The following ARPP21 variants were observed in gnomAD, a reference collection of about 807,000 sequenced individuals.
The protein encoded by ARPP21 is cAMP regulated phosphoprotein 21, also known as cAMP-regulated phosphoprotein 21.
In ARPP21, 69 loss-of-function variants were observed where a neutral mutation model predicts 113.2. The ratio of observed to expected loss-of-function variants is 0.61; its 90% CI spans 0.50 to 0.74. ARPP21 has a LOEUF of 0.74. Ranked by LOEUF, ARPP21 falls within the 30% of genes least tolerant of loss-of-function variation. ARPP21 has a pLI of 0.00. For missense variants in ARPP21, 1,070 were observed against 1,037.4 expected (o/e 1.03, Z -0.43); for synonymous variants, 368 against 375.5 (o/e 0.98, Z 0.23).
intron 19 of ARPP21, among the ~76,000 whole-genome samples, chr3:35,788,409 G>A (rs911251971): frequency 2.0e-5 from 3 of 152,110 alleles, no homozygotes; most frequent in Non-Finnish European, 4.4e-5. Flanking sequence ...CATTTGAAAA[G>A]ACATTCTACC....
At chr3:35,710,542 AACACACACACACACACAC>A (rs3086903) in intron 11 of ARPP21, among the ~76,000 whole-genome samples, 11 of 132,962 alleles carry the variant, frequency 8.3e-5, no homozygotes, top group South Asian at 2.5e-4. Flanking sequence ...CTCTCTCTCA[AACACACACACACACACAC>A]ACACACACAC....
chr3:35,685,034 G>A (rs926858117), intron 5 of ARPP21: 5 of 984,942 alleles, frequency 5.1e-6, no homozygotes, highest in Non-Finnish European at 6.0e-6. Flanking sequence ...TTGATGGCTT[G>A]TAATGTACTG....
chr3:35,678,674 A>G (rs2078114223), intron 1 of ARPP21: 1 of 151,954 alleles, frequency 6.6e-6, no homozygotes, highest in Non-Finnish European at 1.5e-5. Flanking sequence ...CCCCTTGCAC[A>G]ACAAATGGCT....
In ARPP21 at chr3:35,716,887, G is replaced by C. The variant is rs561071026; in HGVS notation, c.936-411G>C. ...ATGGTCCTGGAAACCAAAAATCTAAGTGACTTACCACCAAAAATAAATACA... is the reference window on the plus strand; with the variant it reads ...ATGGTCCTGGAAACCAAAAATCTAACTGACTTACCACCAAAAATAAATACA... On this transcript the variant is annotated intron_variant, in intron 12 of 20. Coordinates refer to ENST00000684406, the MANE Select transcript of ARPP21 (RefSeq NM_001385562.1). 2.7e-3 allele frequency among the ~76,000 whole-genome samples: 416 copies of C among 151,970 alleles called. 4 individuals carry two copies. The highest frequency in any genetic ancestry group is 4.7e-3 in the Non-Finnish European group (316 of 67,862).
At chr3:35,709,102 C>T (rs751011537) in intron 11 of ARPP21, 32 bp downstream of exon 11, 20 of 1,462,072 alleles carry the variant, frequency 1.4e-5, no homozygotes, top group South Asian at 4.6e-5. Context: ...CTCTTTAGTG[C>T]GCTCCTTCCA....
chr3:35,662,473 A>G (rs1200483312), intron 1 of ARPP21, among the ~76,000 whole-genome samples: 2 of 152,112 alleles, frequency 1.3e-5, no homozygotes, highest in Non-Finnish European at 2.9e-5. Context: ...TTTACTAAGG[A>G]GAGTTCTTGG....
At position 35,679,348 on chromosome 3, in the gene ARPP21, G is replaced by C. The variant is rs114750236; in HGVS notation, c.-212-439G>C. Among the ~76,000 whole-genome samples the C allele has an allele frequency of 2.2e-3, 341 of 151,882 alleles. 1 individual carries two copies. The highest frequency in any genetic ancestry group is 6.6e-3 in the Admixed American group (101 of 15,244). On this transcript the variant is annotated intron_variant, in intron 1 of 20. Coordinates refer to ENST00000684406, the MANE Select transcript of ARPP21 (RefSeq NM_001385562.1). ...TTTATTCAGGTAGCTTTCATAAAGA[G>C]AGAAACCACATAAACAGCATTAAAA...
chr3:35,705,571 A>G (rs2088572433), intron 9 of ARPP21, among the ~76,000 whole-genome samples: 1 of 152,148 alleles, frequency 6.6e-6, no homozygotes, highest in East Asian at 1.9e-4. Context: ...ACTGTGTACA[A>G]TATAGAGGAA....
intron 19 of ARPP21, among the ~76,000 whole-genome samples, chr3:35,780,277 T>C (rs2096491144): frequency 2.0e-5 from 3 of 152,210 alleles, no homozygotes; most frequent in Non-Finnish European, 2.9e-5. Context: ...GTTTAAGATA[T>C]GCTTCTTTTC....
chr3:35,789,437 T>A (rs1418008552), intron 19 of ARPP21, among the ~76,000 whole-genome samples: 1 of 152,182 alleles, frequency 6.6e-6, no homozygotes, highest in Non-Finnish European at 1.5e-5. Context: ...AGGTGTAAAT[T>A]TCTTGCCTGG....
At chr3:35,642,534 A>G (rs1460495184) in intron 1 of ARPP21, 1 of 152,194 alleles carries the variant, frequency 6.6e-6, no homozygotes, top group African/African-American at 2.4e-5. Context: ...AAACCTCTTC[A>G]CTAGTTCTTA....
chr3:35,692,661 G>A (rs562481473), intron 9 of ARPP21, among the ~76,000 whole-genome samples: 5 of 151,632 alleles, frequency 3.3e-5, no homozygotes, highest in South Asian at 4.2e-4. Context: ...ATGTTTCCTC[G>A]GAGAATGGCT....
At position 35,671,368 on chromosome 3, in the gene ARPP21, A is replaced by C. The variant is rs1575638987; in HGVS notation, c.-212-8419A>C. ...TGTCAAATGAATTATTTTATATTTC[A>C]AGTTGACCTATTTTCAGAAAGTCTG... On this transcript the variant is annotated intron_variant, in intron 1 of 20. Coordinates refer to ENST00000684406, the MANE Select transcript of ARPP21 (RefSeq NM_001385562.1). Among the ~76,000 whole-genome samples, 4 of 152,190 alleles carry C rather than the reference A, an allele frequency of 2.6e-5. No individual in the cohort carries two copies. In the East Asian group the frequency reaches 7.7e-4, roughly 29 times the overall value.
chr3:35,759,676 C>G (rs56331918), intron 19 of ARPP21, among the ~76,000 whole-genome samples: 41,869 of 140,598 alleles, frequency 0.3, 6,850 homozygotes, highest in African/African-American at 0.47. Context: ...TTTTCTCTCT[C>G]TGTGTGTGTG....
At chr3:35,752,904 A>G (rs982442660) in intron 19 of ARPP21, among the ~76,000 whole-genome samples, 4 of 152,098 alleles carry the variant, frequency 2.6e-5, no homozygotes, top group African/African-American at 2.4e-5. Context: ...TACAGCTAGT[A>G]TTTAGAATTA....
intron 18 of ARPP21, among the ~76,000 whole-genome samples, chr3:35,742,807 G>A (rs534826663): frequency 1.3e-4 from 20 of 152,200 alleles, no homozygotes; most frequent in African/African-American, 2.9e-4. Context: ...GTTTGTAGGC[G>A]GTCTACTAGG....
At chr3:35,674,814 G>T (rs755799695) in intron 1 of ARPP21, among the ~76,000 whole-genome samples, 1 of 151,912 alleles carries the variant, frequency 6.6e-6, no homozygotes, top group Non-Finnish European at 1.5e-5. Context: ...CAGATGATAT[G>T]CTCAGGACAT....
intron 9 of ARPP21, among the ~76,000 whole-genome samples, chr3:35,706,603 C>T (rs1177573117): frequency 1.3e-5 from 2 of 152,168 alleles, no homozygotes; most frequent in Non-Finnish European, 2.9e-5. Flanking sequence ...GTGTTACTCT[C>T]AAGTTCTAAA....
chr3:35,663,298 T>A (rs1708655860), intron 1 of ARPP21, among the ~76,000 whole-genome samples: 1 of 152,106 alleles, frequency 6.6e-6, no homozygotes, highest in Non-Finnish European at 1.5e-5. Context: ...TCTATACGGT[T>A]TTTAAACCCC....
Sources: allele counts gnomAD v4.1 joint callset (sites outside exome capture counted in the v4.1 genomes callset), GRCh38; gene constraint gnomAD v4.1.1; transcripts MANE v1.5; gene names NCBI Gene and HGNC (gene_info 2026-07-23, HGNC 2026-07-21).